Variants in SORCS3 observed in about 807,000 individuals in gnomAD.
SORCS3 encodes VPS10 domain-containing receptor SorCS3.
SORCS3 carries 57 observed loss-of-function variants against 146.3 expected under a neutral mutation model. That is an observed-to-expected ratio of 0.39 (90% CI 0.31 to 0.49). The LOEUF (loss-of-function observed/expected upper bound fraction) is 0.49. Ranked by LOEUF, SORCS3 falls within the 20% of genes least tolerant of loss-of-function variation. The probability of loss-of-function intolerance (pLI) is 0.92; values close to 1 mark genes in which losing one functional copy is unlikely to be tolerated. For synonymous variants in SORCS3, 653 were observed against 618.5 expected (o/e 1.06, Z -0.83); for missense variants, 1,341 against 1,575.5 (o/e 0.85, Z 2.52).
At chr10:104,721,842 C>A (rs2016553705) in intron 1 of SORCS3, among the ~76,000 whole-genome samples, 1 of 152,168 alleles carries the variant, frequency 6.6e-6, no homozygotes, top group Non-Finnish European at 1.5e-5. Context: ...CCTGAGACTT[C>A]ACTTAAGTTG....
At chr10:105,246,241 A>T (rs2056865469) in intron 21 of SORCS3, among the ~76,000 whole-genome samples, 1 of 152,186 alleles carries the variant, frequency 6.6e-6, no homozygotes, top group African/African-American at 2.4e-5. Flanking sequence ...ATTACAAATG[A>T]AAGTGCCTCT....
At chr10:104,845,815 A>G (rs1355564559) in intron 2 of SORCS3, among the ~76,000 whole-genome samples, 1 of 152,102 alleles carries the variant, frequency 6.6e-6, no homozygotes, top group Non-Finnish European at 1.5e-5. Flanking sequence ...GAAGGGAGGG[A>G]TGCAGTTTGG....
At chr10:104,764,348 C>T (rs1402812356) in intron 1 of SORCS3, among the ~76,000 whole-genome samples, 1 of 152,116 alleles carries the variant, frequency 6.6e-6, no homozygotes, top group Admixed American at 6.5e-5. Context: ...TAGCCAGCTT[C>T]CAGGTGATGC....
At chr10:104,692,160 T>C (rs1016804568) in intron 1 of SORCS3, among the ~76,000 whole-genome samples, 3 of 152,014 alleles carry the variant, frequency 2.0e-5, no homozygotes, top group Non-Finnish European at 2.9e-5. Context: ...GGGGAAGGGA[T>C]TGAGCCTTTT....
At chr10:105,077,537 C>T in intron 5 of SORCS3, among the ~76,000 whole-genome samples, 1 of 97,894 alleles carries the variant, frequency 1.0e-5, no homozygotes, top group Non-Finnish European at 2.3e-5. Context: ...CACACACACA[C>T]ACACACACAC....
intron 1 of SORCS3, among the ~76,000 whole-genome samples, chr10:104,809,262 A>C (rs1030490630): frequency 4.6e-5 from 7 of 152,182 alleles, no homozygotes; most frequent in African/African-American, 1.7e-4. Flanking sequence ...GGCTCAGCTG[A>C]TCAGTTGTTC....
At chr10:104,781,489 C>A (rs2017373518) in intron 1 of SORCS3, among the ~76,000 whole-genome samples, 1 of 152,290 alleles carries the variant, frequency 6.6e-6, no homozygotes, top group East Asian at 1.9e-4. Context: ...ATTTCAGGGG[C>A]AGTGGGTTTG....
chr10:105,085,099 G>A (rs2055651522), intron 5 of SORCS3, among the ~76,000 whole-genome samples: 1 of 152,196 alleles, frequency 6.6e-6, no homozygotes, highest in Non-Finnish European at 1.5e-5. Context: ...GCAGTCCCTA[G>A]AGACATTTTT....
At chr10:104,940,238 A>ATATATTTT (rs1435205868) in intron 3 of SORCS3, among the ~76,000 whole-genome samples, 8 of 31,514 alleles carry the variant, frequency 2.5e-4, no homozygotes, top group Non-Finnish European at 3.7e-4. Context: ...ATATATATAT[A>ATATATTTT]TTTTTTTTTT....
chr10:105,004,402 G>C (rs958254696), intron 4 of SORCS3, among the ~76,000 whole-genome samples: 7 of 152,150 alleles, frequency 4.6e-5, no homozygotes, highest in Admixed American at 6.5e-5. Context: ...TTTTGAACCT[G>C]GGCCTGAAGG....
In SORCS3 at chr10:105,167,120, T is replaced by C. The variant is rs1030663724; in HGVS notation, c.1810-138T>C. ...CTCATCAATCAAATGGAGATAATACTTGCAAAAACTATCTGATAGTGCTGT... is the reference window on the plus strand; with the variant it reads ...CTCATCAATCAAATGGAGATAATACCTGCAAAAACTATCTGATAGTGCTGT... On this transcript the variant is annotated intron_variant, in intron 12 of 26. Transcript: ENST00000369701. The C allele has an allele frequency of 3.2e-5, 20 of 630,194 alleles. 1 individual carries two copies. In the Admixed American group the frequency reaches 5.4e-4, roughly 17 times the overall value. The allele number at this position is 630,194 out of a possible 1,614,324, so 39.0% of individuals were successfully genotyped here. A position where few individuals can be genotyped will look rare whatever the true frequency, so the allele number is the denominator to read the frequency against.
intron 1 of SORCS3, among the ~76,000 whole-genome samples, chr10:104,763,897 C>T (rs571362760): frequency 6.6e-6 from 1 of 152,180 alleles, no homozygotes; most frequent in East Asian, 1.9e-4. Flanking sequence ...CATTCTCTCT[C>T]CTGCCACCTC....
intron 14 of SORCS3, among the ~76,000 whole-genome samples, chr10:105,199,170 A>G (rs1261982761): frequency 6.6e-6 from 1 of 151,980 alleles, no homozygotes; most frequent in East Asian, 1.9e-4. Context: ...TCACTATGAT[A>G]GATGTCTTGC....
chr10:104,945,187 T>C (rs1438096812), intron 3 of SORCS3, among the ~76,000 whole-genome samples: 2 of 152,160 alleles, frequency 1.3e-5, no homozygotes, highest in African/African-American at 4.8e-5. Context: ...TGTGGTTACT[T>C]TTGGGAGAGA....
At chr10:105,138,117 T>A (rs2056070876) in intron 7 of SORCS3, among the ~76,000 whole-genome samples, 1 of 152,214 alleles carries the variant, frequency 6.6e-6, no homozygotes, top group South Asian at 2.1e-4. Flanking sequence ...TGATGGTAAT[T>A]AGATGTGGAT....
intron 6 of SORCS3, among the ~76,000 whole-genome samples, chr10:105,097,639 TAAG>T (rs1274635829): frequency 6.6e-6 from 1 of 152,218 alleles, no homozygotes; most frequent in Non-Finnish European, 1.5e-5. Flanking sequence ...CTAACAAACA[TAAG>T]AAGTATTTTT....
intron 20 of SORCS3, among the ~76,000 whole-genome samples, chr10:105,242,435 T>A (rs1297619270): frequency 1.2e-5 from 1 of 83,834 alleles, no homozygotes; most frequent in Non-Finnish European, 2.2e-5. Flanking sequence ...TATTTATACA[T>A]ATATTTATAT....
At position 104,865,000 on chromosome 10, in the gene SORCS3, G is replaced by C. The variant is rs1047318237; in HGVS notation, c.695+22141G>C. Among the ~76,000 whole-genome samples, 13 of 152,194 alleles carry C rather than the reference G, an allele frequency of 8.5e-5. 1 individual carries two copies. The highest frequency in any genetic ancestry group is 2.6e-4 in the Admixed American group (4 of 15,282). ...GGTGTTACCTGGCCATCCTATCTAAGAGAGGTTTCCAGGCTGGTCAGTCTC... is the reference window on the plus strand; with the variant it reads ...GGTGTTACCTGGCCATCCTATCTAACAGAGGTTTCCAGGCTGGTCAGTCTC... On this transcript the variant is annotated intron_variant, in intron 2 of 26. Coordinates refer to ENST00000369701, the MANE Select transcript of SORCS3 (RefSeq NM_014978.3).
chr10:105,126,435 C>A (rs945945109), intron 7 of SORCS3, among the ~76,000 whole-genome samples: 5 of 152,140 alleles, frequency 3.3e-5, no homozygotes, highest in Admixed American at 6.6e-5. Flanking sequence ...GTCCTGGTTT[C>A]TCAAATCTTC....
Sources: gnomAD v4.1 joint callset for allele counts (sites outside exome capture counted in the v4.1 genomes callset) on GRCh38, gnomAD v4.1.1 for gene constraint, MANE v1.5 for transcripts, NCBI Gene and HGNC (gene_info 2026-07-23, HGNC 2026-07-21) for gene names.